Variants in ECSIT observed in about 807,000 individuals in gnomAD.
ECSIT encodes evolutionarily conserved signaling intermediate in Toll pathway, mitochondrial.
Under a neutral mutation model 36.8 loss-of-function variants are expected in ECSIT, and 29 were observed. That is an observed-to-expected ratio of 0.79 (90% CI 0.59 to 1.08). The LOEUF (loss-of-function observed/expected upper bound fraction) is 1.08. ECSIT is among the 50% of genes least tolerant of loss of function. ECSIT has a pLI of 0.00. For synonymous variants in ECSIT, 231 were observed against 234.8 expected (o/e 0.98, Z 0.15); for missense variants, 542 against 581.0 (o/e 0.93, Z 0.69).
At chr19:11,516,516 G>T (rs1972000897) in intron 2 of ECSIT, among the ~76,000 whole-genome samples, 1 of 151,978 alleles carries the variant, frequency 6.6e-6, no homozygotes, top group African/African-American at 2.4e-5. Flanking sequence ...AGCGGGGCGT[G>T]GTGGTGTATA....
At chr19:11,522,624 G>A (rs1972129416) in intron 1 of ECSIT, 1 of 537,918 alleles carries the variant, frequency 1.9e-6, no homozygotes, top group African/African-American at 1.9e-5. Context: ...TGAGGTGGGA[G>A]AATTGCTTGC....
chr19:11,522,038 C>T, intron 1 of ECSIT: 1 of 297,012 alleles, frequency 3.4e-6, no homozygotes, highest in Non-Finnish European at 6.6e-6. Context: ...AAATGCCACA[C>T]ACCACCCCTC....
chr19:11,509,328 C>G (rs1971822825), intron 4 of ECSIT, among the ~76,000 whole-genome samples: 1 of 151,734 alleles, frequency 6.6e-6, no homozygotes, highest in Non-Finnish European at 1.5e-5. Flanking sequence ...CTGCCTCAGC[C>G]TCCCAAAGCA....
chr19:11,511,301 T>G (rs1439128021), intron 4 of ECSIT, among the ~76,000 whole-genome samples: 1 of 152,148 alleles, frequency 6.6e-6, no homozygotes, highest in Non-Finnish European at 1.5e-5. Flanking sequence ...CACTGCCAAG[T>G]GTCAGCTTTG....
intron 7 of ECSIT, 101 bp from the exon 8 acceptor site, chr19:11,506,529 CTTTTTTTTTTTTT>C (rs71166605): frequency 8.9e-6 from 6 of 677,022 alleles, no homozygotes; most frequent in Non-Finnish European, 1.2e-5. Flanking sequence ...CTTCCACTTC[CTTTTTTTTTTTTT>C]TTTTTTTTTT....
At chr19:11,527,539 G>A (rs1463335213) in intron 1 of ECSIT, among the ~76,000 whole-genome samples, 1 of 151,930 alleles carries the variant, frequency 6.6e-6, no homozygotes, top group Non-Finnish European at 1.5e-5. Context: ...GAATTATCCA[G>A]GCATGGTGGT....
chr19:11,523,562 G>A, intron 1 of ECSIT: 1 of 1,062,060 alleles, frequency 9.4e-7, no homozygotes, highest in Non-Finnish European at 1.4e-6. Flanking sequence ...CAAAGCCTTA[G>A]ACAAGCGCCA....
chr19:11,520,731 T>G (rs554878689), intron 1 of ECSIT, among the ~76,000 whole-genome samples: 7 of 150,552 alleles, frequency 4.6e-5, no homozygotes, highest in Non-Finnish European at 1.0e-4. Flanking sequence ...CAAGCTGGTC[T>G]CAAACTCCTT....
chr19:11,519,127 C>T lies in ECSIT; in HGVS notation c.44G>A (p.Arg15Lys). Residue 15 changes from arginine to lysine, a missense_variant, in exon 2 of 8, where the codon AGG becomes AAG. Arg to Lys is a conservative substitution (Grantham distance 26, BLOSUM62 2). Transcript: ENST00000270517. The surrounding 1 kb of genome is among the most constrained non-coding windows in gnomAD (Gnocchi z 4.4). ...QATLLARGLC[R>K]AWGGTCGAAL... ...GGCCCCGCAGGTGCCTCCCCAGGCC[C>T]TACAGAGGCCTCGGGCCAGTAGGGT... 1 of 1,550,956 alleles carries T rather than the reference C, an allele frequency of 6.4e-7. No homozygotes were observed. The highest frequency in any genetic ancestry group is 8.7e-7 in the Non-Finnish European group (1 of 1,146,964).
chr19:11,522,240 C>G (rs2144997840), intron 1 of ECSIT: 2 of 613,092 alleles, frequency 3.3e-6, no homozygotes, highest in Non-Finnish European at 5.9e-6. Context: ...GCAGCACCCA[C>G]AACATGTACC....
intron 6 of ECSIT, 35 bp downstream of exon 6, chr19:11,507,667 C>T (rs763752425): frequency 6.2e-7 from 1 of 1,613,852 alleles, no homozygotes; most frequent in African/African-American, 1.3e-5. Flanking sequence ...AGCCCACTCC[C>T]CAGCCCCAAC....
intron 1 of ECSIT, chr19:11,522,511 C>CA (rs1440997591): frequency 2.8e-5 from 27 of 973,414 alleles, no homozygotes; most frequent in Non-Finnish European, 4.0e-5. Context: ...GTAGGGCCCT[C>CA]ACCCAGGTGT....
chr19:11,524,837 T>A (rs1402311217), intron 1 of ECSIT, among the ~76,000 whole-genome samples: 10 of 151,290 alleles, frequency 6.6e-5, no homozygotes, highest in Non-Finnish European at 1.0e-4. Flanking sequence ...AATAAAAAAA[T>A]AAAAAATAAA....
intron 4 of ECSIT, among the ~76,000 whole-genome samples, chr19:11,511,756 C>T (rs762562336): frequency 1.3e-5 from 2 of 152,098 alleles, no homozygotes; most frequent in African/African-American, 2.4e-5. Context: ...AGGTCTTGGC[C>T]GGGCACAGTG....
At chr19:11,512,777 A>AG (rs909504631) in intron 4 of ECSIT, among the ~76,000 whole-genome samples, 7 of 152,088 alleles carry the variant, frequency 4.6e-5, no homozygotes, top group Non-Finnish European at 1.0e-4. Flanking sequence ...TCTGAAAAAA[A>AG]AAAACAGTTT....
intron 2 of ECSIT, among the ~76,000 whole-genome samples, chr19:11,514,927 C>T (rs1971959407): frequency 6.6e-6 from 1 of 151,680 alleles, no homozygotes; most frequent in Non-Finnish European, 1.5e-5. Flanking sequence ...CAACCTCTGC[C>T]TCCCATGTTC....
At chr19:11,512,752 T>C (rs546705751) in intron 4 of ECSIT, among the ~76,000 whole-genome samples, 56 of 151,690 alleles carry the variant, frequency 3.7e-4, no homozygotes, top group African/African-American at 1.3e-3. Flanking sequence ...CTGGGCAATA[T>C]AGTGAGACCC....
chr19:11,517,980 C>G (rs1203500916), intron 2 of ECSIT, among the ~76,000 whole-genome samples: 3 of 152,000 alleles, frequency 2.0e-5, no homozygotes, highest in Non-Finnish European at 4.4e-5. Flanking sequence ...ATCCCCTCAC[C>G]CACGTAGGCA....
Position 11,521,981 on chromosome 19 carries a change from G to A in ECSIT, c.-23-2788C>T, listed in dbSNP as rs867067707. ...GGAGAGGATGCCATGAAGGCCTCGG[G>A]CACACTACAAGAGTACAAGGTGGTG... On this transcript the variant is annotated intron_variant, in intron 1 of 7. Transcript: ENST00000270517. The A allele has an allele frequency of 4.3e-4, 79 of 183,646 alleles. 1 individual carries two copies. In the Middle Eastern group the frequency reaches 0.025, roughly 58 times the overall value. 11.4% of individuals were successfully genotyped at this position (183,646 alleles called of 1,614,324 possible). A position where few individuals can be genotyped will look rare whatever the true frequency, so the allele number is the denominator to read the frequency against.
Sources: allele counts gnomAD v4.1 joint callset (sites outside exome capture counted in the v4.1 genomes callset), GRCh38; gene constraint gnomAD v4.1.1; non-coding constraint Gnocchi (gnomAD v3.1); transcripts MANE v1.5; gene names NCBI Gene and HGNC (gene_info 2026-07-23, HGNC 2026-07-21).